Variants in DCUN1D3 observed in about 807,000 individuals in gnomAD.
The protein encoded by DCUN1D3 is defective in cullin neddylation 1 domain containing 3.
In DCUN1D3, 6 loss-of-function variants were observed where a neutral mutation model predicts 24.8. The ratio of observed to expected loss-of-function variants is 0.24; its 90% CI spans 0.13 to 0.48. The LOEUF (loss-of-function observed/expected upper bound fraction) is 0.48, where lower values mean the gene tolerates loss of function less well. DCUN1D3 is among the 20% of genes least tolerant of loss of function. The pLI is 0.99. For missense variants in DCUN1D3, 258 were observed against 379.4 expected (o/e 0.68, Z 2.66); for synonymous variants, 120 against 144.9 (o/e 0.83, Z 1.24).
At chr16:20,864,312 T>C (rs2081749218) in intron 1 of DCUN1D3, among the ~76,000 whole-genome samples, 1 of 151,918 alleles carries the variant, frequency 6.6e-6, no homozygotes, top group Admixed American at 6.6e-5. Flanking sequence ...AATAACCCCA[T>C]TAAAAAGTGG....
At chr16:20,863,935 C>T (rs369708564) in intron 1 of DCUN1D3, among the ~76,000 whole-genome samples, 1 of 152,188 alleles carries the variant, frequency 6.6e-6, no homozygotes, top group African/African-American at 2.4e-5. Context: ...AAGACTGAGG[C>T]TGGATCCCTT....
chr16:20,880,040 T>C (rs147183353), intron 1 of DCUN1D3, among the ~76,000 whole-genome samples: 1,944 of 152,294 alleles, frequency 0.013, 24 homozygotes, highest in Non-Finnish European at 0.018. Context: ...TGTTCCGTAA[T>C]TTCTCCCTCC....
intron 1 of DCUN1D3, among the ~76,000 whole-genome samples, chr16:20,895,257 G>T (rs933715490): frequency 2.8e-5 from 1 of 36,278 alleles, no homozygotes; most frequent in Non-Finnish European, 5.0e-5. Flanking sequence ...ACCATGCCTG[G>T]CTAAGTTTTT....
intron 1 of DCUN1D3, among the ~76,000 whole-genome samples, chr16:20,877,065 A>C (rs1402739587): frequency 3.9e-5 from 6 of 152,206 alleles, no homozygotes; most frequent in African/African-American, 1.4e-4. Flanking sequence ...TCTAATGTAC[A>C]TTTCAAAATA....
At position 20,862,370 on chromosome 16, in the gene DCUN1D3, T is replaced by G. The variant is rs1270309613; in HGVS notation, c.169A>C (p.Lys57Gln). The G allele has an allele frequency of 1.2e-6, 2 of 1,614,054 alleles. No individual in the cohort carries two copies. The highest frequency in any genetic ancestry group is 2.2e-5 in the East Asian group (1 of 44,892). ...GCCTCAGTGGCAGCCTCGGCCTTCT[T>G]GGTCCCGTTGACGAGGATATCTCCA... The part of the protein sequence containing the change: ...PGGDILVNGT[K>Q]KAEAATEACQ... The change falls in exon 2 of 3, where the codon AAG becomes CAG. Residue 57 changes from lysine (K) to glutamine (Q), a missense_variant. By Grantham distance (53) the Lys-to-Gln change is moderately conservative (BLOSUM62 1). Transcript: ENST00000324344.
At chr16:20,877,818 C>T (rs2152517601) in intron 1 of DCUN1D3, among the ~76,000 whole-genome samples, 1 of 152,306 alleles carries the variant, frequency 6.6e-6, no homozygotes, top group African/African-American at 2.4e-5. Context: ...TTTTTAGAGA[C>T]AGGATCTGGC....
chr16:20,895,249 C>G (rs1172687578), intron 1 of DCUN1D3, among the ~76,000 whole-genome samples: 3 of 113,546 alleles, frequency 2.6e-5, no homozygotes, highest in Non-Finnish European at 5.4e-5. Context: ...CATGCACCAC[C>G]ATGCCTGGCT....
chr16:20,862,277 A>C lies in DCUN1D3; in HGVS notation c.262T>G (p.Leu88Val), dbSNP rs1430526649. 5.0e-6 allele frequency: 8 copies of C among 1,614,070 alleles called. No homozygotes were observed. Among genetic ancestry groups the C allele is most frequent in the Non-Finnish European group, 6.8e-6 (8 of 1,180,044 alleles). The change falls in exon 2 of 3, where the codon TTG becomes GTG. Residue 88 changes from leucine to valine, a missense_variant. By Grantham distance (32) the Leu-to-Val change is conservative (BLOSUM62 1). Coordinates refer to ENST00000324344, the MANE Select transcript of DCUN1D3 (RefSeq NM_173475.4). ...CTGAACAGTTCTTCCAATCTTTGCA[A>C]GGAAGACTCCTCGGCATTGGACTTG... Reference protein sequence around the residue: ...ESKSNAEESSLQRLEELFRRY... With the variant: ...ESKSNAEESSVQRLEELFRRY...
chr16:20,880,788 T>G (rs908869477), intron 1 of DCUN1D3, among the ~76,000 whole-genome samples: 9 of 152,056 alleles, frequency 5.9e-5, no homozygotes, highest in Non-Finnish European at 1.3e-4. Flanking sequence ...CATCCACAAA[T>G]AGTTTCCCAA....
chr16:20,886,089 A>C (rs1484468244), intron 1 of DCUN1D3, among the ~76,000 whole-genome samples: 2 of 150,276 alleles, frequency 1.3e-5, no homozygotes, highest in Non-Finnish European at 3.0e-5. Flanking sequence ...GGCCACCAAT[A>C]CTAATGGCTA....
intron 1 of DCUN1D3, among the ~76,000 whole-genome samples, chr16:20,876,242 C>T (rs1003988939): frequency 2.6e-5 from 4 of 152,160 alleles, no homozygotes; most frequent in Non-Finnish European, 5.9e-5. Context: ...GCTGGGATTA[C>T]AGGCTCGAGC....
rs374011141 is a variant in DCUN1D3 at position 20,881,357 on chromosome 16, T to C, written c.-105-18714A>G. On this transcript the variant is annotated intron_variant, in intron 1 of 2. Coordinates refer to ENST00000324344, the MANE Select transcript of DCUN1D3 (RefSeq NM_173475.4). ...AGGAATTTGAGGTTACAATGACCGA[T>C]GAGTGTGCCACTGCACTCCAGCCTG... Among the ~76,000 whole-genome samples, 159 of 152,288 alleles carry C rather than the reference T, an allele frequency of 1.0e-3. 3 individuals are homozygous for C. In the South Asian group the frequency reaches 0.031, roughly 30 times the overall value.
intron 1 of DCUN1D3, among the ~76,000 whole-genome samples, chr16:20,872,551 T>C (rs1393433641): frequency 2.6e-5 from 4 of 151,710 alleles, no homozygotes; most frequent in East Asian, 1.9e-4. Context: ...TGACTGCTAA[T>C]GCATAGCAGA....
rs2081711415 is a variant in DCUN1D3 at position 20,858,148 on chromosome 16, T to A, written c.*1738A>T. The A allele has an allele frequency of 6.6e-6, 1 of 152,668 alleles. No homozygotes were observed. Among genetic ancestry groups the A allele is most frequent in the South Asian group, 2.1e-4 (1 of 4,834 alleles). The allele number at this position is 152,668 out of a possible 1,614,324, so 9.5% of individuals were successfully genotyped here. On this transcript the variant is annotated 3_prime_UTR_variant, in exon 3 of 3. Coordinates refer to ENST00000324344, the MANE Select transcript of DCUN1D3 (RefSeq NM_173475.4). Reference sequence around the variant, plus strand: ...AGTGTTGGAAGCTGAACTATACAAGTTCCTGCCACCCATCCTTCCAGTACA... The same window carrying A: ...AGTGTTGGAAGCTGAACTATACAAGATCCTGCCACCCATCCTTCCAGTACA...
chr16:20,883,431 T>C (rs902627969), intron 1 of DCUN1D3, among the ~76,000 whole-genome samples: 2 of 152,056 alleles, frequency 1.3e-5, no homozygotes, highest in Non-Finnish European at 2.9e-5. Flanking sequence ...GAGAATGGCA[T>C]GAACCTGAGA....
intron 1 of DCUN1D3, 52 bp from the exon 2 acceptor site, chr16:20,862,695 G>C: frequency 1.4e-6 from 2 of 1,457,954 alleles, no homozygotes; most frequent in Non-Finnish European, 1.8e-6. Flanking sequence ...ATGGGGTATG[G>C]ACCCTACCTT....
chr16:20,880,881 A>G (rs1398572994), intron 1 of DCUN1D3, among the ~76,000 whole-genome samples: 1 of 152,086 alleles, frequency 6.6e-6, no homozygotes, highest in African/African-American at 2.4e-5. Flanking sequence ...CAATAATAAT[A>G]CCCTAGGAGA....
At chr16:20,893,818 G>A (rs1596641794) in intron 1 of DCUN1D3, among the ~76,000 whole-genome samples, 1 of 152,206 alleles carries the variant, frequency 6.6e-6, no homozygotes, top group African/African-American at 2.4e-5. Context: ...AAGTAGTAAT[G>A]CTATGACTTG....
intron 1 of DCUN1D3, among the ~76,000 whole-genome samples, chr16:20,876,019 G>A (rs1423420245): frequency 2.0e-5 from 3 of 152,106 alleles, no homozygotes; most frequent in Non-Finnish European, 4.4e-5. Context: ...ACGCTGGAGT[G>A]CAGTGGCATG....
Sources: allele counts gnomAD v4.1 joint callset (sites outside exome capture counted in the v4.1 genomes callset), GRCh38; gene constraint gnomAD v4.1.1; transcripts MANE v1.5; gene names NCBI Gene and HGNC (gene_info 2026-07-23, HGNC 2026-07-21).